The following WWC2 variants were observed in gnomAD, a reference collection of about 807,000 sequenced individuals.
WWC2 encodes the protein WW and C2 domain containing 2, also known as protein WWC2.
In WWC2, 101 loss-of-function variants were observed where a neutral mutation model predicts 138.5. The observed-to-expected ratio is 0.73, with a 90% confidence interval of 0.62 to 0.86. The LOEUF (loss-of-function observed/expected upper bound fraction) is 0.86. Among genes scored for constraint, WWC2 ranks in the 40% least tolerant of loss-of-function variants. The probability of loss-of-function intolerance (pLI) is 0.00; values close to 1 mark genes in which losing one functional copy is unlikely to be tolerated. For synonymous variants in WWC2, 558 were observed against 538.4 expected, an observed-to-expected ratio of 1.04 and a Z score of -0.50; for missense variants, 1,420 against 1,419.4, an observed-to-expected ratio of 1.00 and a Z score of -0.01.
intron 6 of WWC2, 143 bp downstream of exon 6, chr4:183,245,688 T>A (rs984997359): frequency 2.1e-6 from 2 of 950,662 alleles, no homozygotes; most frequent in African/African-American, 1.7e-5. Flanking sequence ...CTGTGGAGAT[T>A]GTTGCAGGCA....
chr4:183,272,434 C>A (rs1387340729), intron 16 of WWC2, among the ~76,000 whole-genome samples: 1 of 152,220 alleles, frequency 6.6e-6, no homozygotes, highest in Non-Finnish European at 1.5e-5. Context: ...ATACATCATA[C>A]ATTTCACCCA....
intron 4 of WWC2, among the ~76,000 whole-genome samples, chr4:183,223,983 C>T (rs1341045464): frequency 6.6e-6 from 1 of 152,164 alleles, no homozygotes; most frequent in Non-Finnish European, 1.5e-5. Flanking sequence ...CCCCCCACCT[C>T]GGCCTCCCAA....
intron 1 of WWC2, among the ~76,000 whole-genome samples, chr4:183,171,286 AT>A (rs1287531005): frequency 1.3e-5 from 2 of 152,160 alleles, no homozygotes; most frequent in African/African-American, 4.8e-5. Flanking sequence ...CATATATATT[AT>A]TTGGTGTCTT....
chr4:183,269,508 A>G (rs1176178295), intron 15 of WWC2: 1 of 493,820 alleles, frequency 2.0e-6, no homozygotes, highest in Non-Finnish European at 4.1e-6. Flanking sequence ...TGCTGTGTAT[A>G]TATTATCTCA....
intron 4 of WWC2, among the ~76,000 whole-genome samples, chr4:183,215,242 GTC>G (rs369099139): frequency 2.0e-5 from 3 of 151,632 alleles, no homozygotes; most frequent in Non-Finnish European, 2.9e-5. Context: ...TGTGGATGTG[GTC>G]TCTCTCTCTC....
intron 4 of WWC2, among the ~76,000 whole-genome samples, chr4:183,218,237 A>G (rs1735811953): frequency 6.6e-6 from 1 of 152,210 alleles, no homozygotes; most frequent in South Asian, 2.1e-4. Flanking sequence ...AAGATATACA[A>G]ATGGCCAATA....
rs1553982726 is a variant in WWC2, at chr4:183,318,487, G to GA, written c.*2758_*2759insA. 3 of 149,842 alleles carry GA rather than the reference G, an allele frequency of 2.0e-5. No individual in the cohort carries two copies. The highest frequency in any genetic ancestry group is 7.4e-5 in the African/African-American group (3 of 40,636). 9.3% of individuals were successfully genotyped at this position (149,842 alleles called of 1,614,324 possible). A position where few individuals can be genotyped will look rare whatever the true frequency, so the allele number is the denominator to read the frequency against. On this transcript the variant is annotated 3_prime_UTR_variant, in exon 23 of 23. Transcript: ENST00000403733. ...TTTGTGGGTGGAAAAAAATTCAGTG[G>GA]TTTTTTTTAAAAAAAAAAGCAAAAA...
intron 21 of WWC2, among the ~76,000 whole-genome samples, chr4:183,302,224 T>C (rs1738865533): frequency 6.6e-6 from 1 of 152,222 alleles, no homozygotes; most frequent in Non-Finnish European, 1.5e-5. Flanking sequence ...CCGTGAACCA[T>C]AGTCAAAGAT....
At chr4:183,272,661 T>C (rs778016536) in intron 16 of WWC2, among the ~76,000 whole-genome samples, 4 of 152,248 alleles carry the variant, frequency 2.6e-5, no homozygotes, top group Non-Finnish European at 4.4e-5. Flanking sequence ...CACTCATCCC[T>C]GTCTCTAAAT....
At chr4:183,210,826 A>G (rs1325825628) in intron 4 of WWC2, among the ~76,000 whole-genome samples, 1 of 152,188 alleles carries the variant, frequency 6.6e-6, no homozygotes, top group East Asian at 1.9e-4. Context: ...TATAACACAC[A>G]GTGGTATTTG....
Position 183,315,681 on chromosome 4 carries a change from C to T in WWC2, c.3531C>T (p.Phe1177=). ...VQSFREKIAY[F]TRAKISIPSL... ...ACTCTAGGGAGAAGATTGCCTACTTCACCAGAGCAAAGATAAGCATCCCAT... is the reference window on the plus strand; with the variant it reads ...ACTCTAGGGAGAAGATTGCCTACTTTACCAGAGCAAAGATAAGCATCCCAT... Residue 1177 remains phenylalanine, a synonymous_variant, in exon 23 of 23, where the codon TTC becomes TTT. Transcript: ENST00000403733. 1.2e-6 allele frequency: 2 copies of T among 1,613,292 alleles called. No homozygotes were observed. The highest frequency in any genetic ancestry group is 1.7e-6 in the Non-Finnish European group (2 of 1,179,526).
chr4:183,227,528 TTAACA>T (rs1332479492), intron 4 of WWC2, among the ~76,000 whole-genome samples: 7 of 152,076 alleles, frequency 4.6e-5, no homozygotes, highest in African/African-American at 1.7e-4. Context: ...ATATCCATGT[TTAACA>T]TGTTTTTAAG....
At chr4:183,138,382 T>A (rs1347345701) in intron 1 of WWC2, among the ~76,000 whole-genome samples, 1 of 152,202 alleles carries the variant, frequency 6.6e-6, no homozygotes, top group Non-Finnish European at 1.5e-5. Flanking sequence ...TGGTTGTAGA[T>A]CCTAATTAGG....
chr4:183,183,584 C>T (rs1209804585), intron 1 of WWC2, among the ~76,000 whole-genome samples: 1 of 152,116 alleles, frequency 6.6e-6, no homozygotes. Flanking sequence ...GAGTTTGAGA[C>T]CATCCTGGGC....
chr4:183,281,027 C>A, intron 17 of WWC2, 130 bp downstream of exon 17: 1 of 1,332,760 alleles, frequency 7.5e-7, no homozygotes, highest in Non-Finnish European at 9.8e-7. Context: ...GGAAGCTGTG[C>A]TAGGAAAAGT....
rs532146304 is a variant in WWC2, at chr4:183,265,682, A to G, written c.2040-6A>G. 1.1e-5 allele frequency: 18 copies of G among 1,607,710 alleles called. No individual in the cohort carries two copies. In the Admixed American group the frequency reaches 2.0e-4, roughly 18 times the overall value. On this transcript the variant is annotated splice_polypyrimidine_tract_variant and splice_region_variant and intron_variant, in intron 12 of 22. Transcript: ENST00000403733. Reference sequence around the variant, plus strand: ...TTAACTGTTCATCTACTCCCTGTCCATATAGACCTAGTGAAATGGAAGATG... The same window carrying G: ...TTAACTGTTCATCTACTCCCTGTCCGTATAGACCTAGTGAAATGGAAGATG...
intron 21 of WWC2, among the ~76,000 whole-genome samples, chr4:183,292,032 TA>T (rs33964356): frequency 1.9e-4 from 27 of 145,220 alleles, no homozygotes; most frequent in African/African-American, 3.1e-4. Flanking sequence ...CAAAAAAAAT[TA>T]AAAAAAAAAA....
At chr4:183,232,407 G>A (rs1278948300) in intron 4 of WWC2, among the ~76,000 whole-genome samples, 1 of 152,092 alleles carries the variant, frequency 6.6e-6, no homozygotes, top group Non-Finnish European at 1.5e-5. Flanking sequence ...GTGCCCATTA[G>A]CAGTTCTCCC....
intron 8 of WWC2, 101 bp downstream of exon 8, chr4:183,250,094 T>G: frequency 9.3e-7 from 1 of 1,071,258 alleles, no homozygotes; most frequent in Non-Finnish European, 1.4e-6. Context: ...CCCCATACAT[T>G]CTTACCAAGG....
Sources: allele counts gnomAD v4.1 joint callset (sites outside exome capture counted in the v4.1 genomes callset), GRCh38; gene constraint gnomAD v4.1.1; transcripts MANE v1.5; gene names NCBI Gene and HGNC (gene_info 2026-07-23, HGNC 2026-07-21).